NATD1: variants seen among roughly 807,000 people sequenced by gnomAD.
NATD1 encodes the protein protein NATD1.
NATD1 carries 9 observed loss-of-function variants against 12.0 expected under a neutral mutation model. The observed-to-expected ratio is 0.75, with a 90% CI of 0.45 to 1.30. The LOEUF (loss-of-function observed/expected upper bound fraction) is 1.30. NATD1 is among the 50% of genes most tolerant of loss of function. NATD1 has a pLI of 0.00. For synonymous variants in NATD1, 71 were observed against 65.9 expected (o/e 1.08, Z -0.37); for missense variants, 148 against 148.5 (o/e 1.00, Z 0.02).
In NATD1 at chr17:21,243,437, C is replaced by T. The variant is rs1048248417; in HGVS notation, c.226-8G>A. The T allele has an allele frequency of 2.5e-6, 4 of 1,609,084 alleles. No homozygotes were observed. The highest frequency in any genetic ancestry group is 1.3e-5 in the African/African-American group (1 of 74,982). Reference sequence around the variant, plus strand: ...CACGAAGTCCAGGGCGGCCTGGGAGCCGGGCAGAGAGGAGAGTGGTCAGGG... The same window carrying T: ...CACGAAGTCCAGGGCGGCCTGGGAGTCGGGCAGAGAGGAGAGTGGTCAGGG... On this transcript the variant is annotated splice_polypyrimidine_tract_variant and splice_region_variant and intron_variant, in intron 2 of 2. Coordinates refer to ENST00000611551, the MANE Select transcript of NATD1 (RefSeq NM_152914.3).
intron 1 of NATD1, among the ~76,000 whole-genome samples, chr17:21,248,514 C>T (rs1262603557): frequency 6.6e-6 from 1 of 152,196 alleles, no homozygotes; most frequent in African/African-American, 2.4e-5. Context: ...ACCCTTCCTT[C>T]TCATTTCAGG....
At position 21,242,720 on chromosome 17, in the gene NATD1, CG is replaced by C. The variant is rs1975287488; in HGVS notation, c.*592del. On this transcript the variant is annotated 3_prime_UTR_variant, in exon 3 of 3. Transcript: ENST00000611551. ...TGTTCACATGTGTGAACCGCACGTA[CG>C]GTTGAGCCTGGCCAGTGCTCAGTCC... 6.6e-6 allele frequency: 1 copy of C among 152,624 alleles called. No individual in the cohort carries two copies. The highest frequency in any genetic ancestry group is 2.4e-5 in the African/African-American group (1 of 41,458). The allele number at this position is 152,624 out of a possible 1,614,324, so 9.5% of individuals were successfully genotyped here. A position where few individuals can be genotyped will look rare whatever the true frequency, so the allele number is the denominator to read the frequency against.
chr17:21,252,952 C>T (rs978209370), intron 1 of NATD1, among the ~76,000 whole-genome samples: 3 of 151,184 alleles, frequency 2.0e-5, no homozygotes, highest in South Asian at 4.1e-4. Context: ...GCCGCGCCCC[C>T]ACCTGGCCCC....
intron 1 of NATD1, among the ~76,000 whole-genome samples, chr17:21,249,158 T>C (rs931245739): frequency 6.6e-6 from 1 of 151,770 alleles, no homozygotes; most frequent in Non-Finnish European, 1.5e-5. Flanking sequence ...CAGAAGACAT[T>C]GACCTCTGCT....
In NATD1 at chr17:21,244,052, G is replaced by T. The variant is rs962516344; in HGVS notation, c.225+54C>A. ...GGGCCACCGTCTCCTCGGAGCGAAGGTGGCAGCCCCCATGTCCCCGTCCCC... is the reference window on the plus strand; with the variant it reads ...GGGCCACCGTCTCCTCGGAGCGAAGTTGGCAGCCCCCATGTCCCCGTCCCC... On this transcript the variant is annotated intron_variant, in intron 2 of 2. Coordinates refer to ENST00000611551, the MANE Select transcript of NATD1 (RefSeq NM_152914.3). The surrounding 1 kb of genome is among the most constrained non-coding windows in gnomAD (Gnocchi z 5.2). 1 of 1,499,902 alleles carries T rather than the reference G, an allele frequency of 6.7e-7. No homozygotes were observed. The highest frequency in any genetic ancestry group is 1.4e-5 in the African/African-American group (1 of 72,466). The allele number at this position is 1,499,902 out of a possible 1,614,324, so 92.9% of individuals were successfully genotyped here.
In NATD1 at chr17:21,244,187, C is replaced by G. The variant is rs1975305396; in HGVS notation, c.144G>C (p.Val48=). ...GCTGCAGGTCCACGATCCGCTTGCC[C>G]ACGTACTCATAGAGCAGGACGGCCC... ...HDRAVLLYEY[V]GKRIVDLQHT... is the part of the protein sequence containing the mutation. The change falls in exon 2 of 3, where the codon GTG becomes GTC. Residue 48 remains valine, a synonymous_variant. Transcript: ENST00000611551. This position sits in a 1 kb window ranked among gnomAD's most constrained non-coding sequence, Gnocchi z 5.2. The G allele has an allele frequency of 6.8e-6, 11 of 1,613,212 alleles. No homozygotes were observed. The highest frequency in any genetic ancestry group is 9.3e-6 in the Non-Finnish European group (11 of 1,179,836).
chr17:21,250,684 T>C (rs927479679), intron 1 of NATD1, among the ~76,000 whole-genome samples: 1 of 152,152 alleles, frequency 6.6e-6, no homozygotes, highest in Non-Finnish European at 1.5e-5. Context: ...CCCTGTGGTG[T>C]GTGGCTATGA....
chr17:21,249,222 G>C (rs1000868939), intron 1 of NATD1, among the ~76,000 whole-genome samples: 2 of 152,158 alleles, frequency 1.3e-5, no homozygotes, highest in African/African-American at 4.8e-5. Context: ...ATCAAAACGC[G>C]AATATACAGA....
At chr17:21,245,844 G>A (rs1048532224) in intron 1 of NATD1, among the ~76,000 whole-genome samples, 1 of 151,798 alleles carries the variant, frequency 6.6e-6, no homozygotes, top group Admixed American at 6.6e-5. Flanking sequence ...CACCAGCCCT[G>A]CTGCCTCCTC....
chr17:21,252,820 G>A (rs1458440869), intron 1 of NATD1, among the ~76,000 whole-genome samples: 2 of 152,054 alleles, frequency 1.3e-5, no homozygotes, highest in Non-Finnish European at 2.9e-5. Flanking sequence ...CTGCGGCTGA[G>A]ACAGGGGACC....
rs1975270006 is a variant in NATD1, at chr17:21,241,316, TG to T, written c.*1996del. On this transcript the variant is annotated 3_prime_UTR_variant, in exon 3 of 3. Transcript: ENST00000611551. Reference sequence around the variant, plus strand: ...GGCCCCAGCTCACTGAGCTCCTGAGTGGTCATGATTGACTATGTGCTTGAAC... The same window carrying T: ...GGCCCCAGCTCACTGAGCTCCTGAGTGTCATGATTGACTATGTGCTTGAAC... 6.6e-6 allele frequency: 1 copy of T among 152,192 alleles called. No homozygotes were observed. Among genetic ancestry groups the T allele is most frequent in the African/African-American group, 2.4e-5 (1 of 41,376 alleles). 9.4% of individuals were successfully genotyped at this position (152,192 alleles called of 1,614,324 possible). A position where few individuals can be genotyped will look rare whatever the true frequency, so the allele number is the denominator to read the frequency against.
intron 1 of NATD1, among the ~76,000 whole-genome samples, chr17:21,249,595 T>G (rs978109366): frequency 2.6e-5 from 4 of 152,190 alleles, no homozygotes; most frequent in African/African-American, 9.7e-5. Context: ...CTCTGGGGCC[T>G]CAGTCTTCCT....
At position 21,253,193 on chromosome 17, in the gene NATD1, G is replaced by A; in HGVS notation, c.72C>T (p.Asp24=). Residue 24 remains aspartate (D), a synonymous_variant, in exon 1 of 3, where the codon GAC becomes GAT. Coordinates refer to ENST00000611551, the MANE Select transcript of NATD1 (RefSeq NM_152914.3). ...EQGCPIRVEH[D]RRRRQFTVRL... is the part of the protein sequence containing the mutation. ...GGACAGTGAACTGGCGGCGCCGGCG[G>A]TCGTGCTCCACGCGGATGGGGCAGC... 2.0e-6 allele frequency: 2 copies of A among 1,016,698 alleles called. No individual in the cohort carries two copies. The highest frequency in any genetic ancestry group is 9.0e-5 in the East Asian group (1 of 11,144). The allele number at this position is 1,016,698 out of a possible 1,614,324, so 63.0% of individuals were successfully genotyped here.
Position 21,243,328 on chromosome 17 carries a change from CTCCAGGTACTGCGGCAGGGGG to C in NATD1, c.306_326del (p.Asn102_Glu109delinsLys). 1 of 1,612,610 alleles carries C rather than the reference CTCCAGGTACTGCGGCAGGGGG, an allele frequency of 6.2e-7. No individual in the cohort carries two copies. The highest frequency in any genetic ancestry group is 8.5e-7 in the Non-Finnish European group (1 of 1,179,912). The stretch of plus-strand genomic sequence containing the variant: ...CAGGCCAGGGTTACGGCTGCAGGCG[CTCCAGGTACTGCGGCAGGGGG>C]TTCTCCTTGACGTACTTCTGGATGT... On this transcript the variant is annotated inframe_deletion, in exon 3 of 3. Transcript: ENST00000611551.
rs1316179154 is a variant in NATD1 at position 21,242,249 on chromosome 17, T to A, written c.*1064A>T. On this transcript the variant is annotated 3_prime_UTR_variant, in exon 3 of 3. Transcript: ENST00000611551. ...TCCCACCAAAGCATGCTAGTGTGTC[T>A]CCCAGGCTGCACCCAGGAAGGCTGG... 6.6e-6 allele frequency: 1 copy of A among 152,206 alleles called. No homozygotes were observed. The highest frequency in any genetic ancestry group is 2.4e-5 in the African/African-American group (1 of 41,394). 9.4% of individuals were successfully genotyped at this position (152,206 alleles called of 1,614,324 possible).
Position 21,242,454 on chromosome 17 carries a change from G to C in NATD1, c.*859C>G, listed in dbSNP as rs1022108892. On this transcript the variant is annotated 3_prime_UTR_variant, in exon 3 of 3. Coordinates refer to ENST00000611551, the MANE Select transcript of NATD1 (RefSeq NM_152914.3). ...GCTTCACTCCCACCCCAGCCCCAAGGCATCTCCTCGGAGAAGGCTCAGGCA... is the reference window on the plus strand; with the variant it reads ...GCTTCACTCCCACCCCAGCCCCAAGCCATCTCCTCGGAGAAGGCTCAGGCA... 2 of 152,290 alleles carry C rather than the reference G, an allele frequency of 1.3e-5. No homozygotes were observed. The highest frequency in any genetic ancestry group is 4.8e-5 in the African/African-American group (2 of 41,456). 9.4% of individuals were successfully genotyped at this position (152,290 alleles called of 1,614,324 possible). A position where few individuals can be genotyped will look rare whatever the true frequency, so the allele number is the denominator to read the frequency against.
At chr17:21,250,560 T>G (rs1291849253) in intron 1 of NATD1, among the ~76,000 whole-genome samples, 1 of 152,094 alleles carries the variant, frequency 6.6e-6, no homozygotes, top group African/African-American at 2.4e-5. Flanking sequence ...AACAAATACT[T>G]GCGGGGTGAA....
chr17:21,243,531 C>T lies in NATD1; in HGVS notation c.226-102G>A, dbSNP rs1975298163. The T allele has an allele frequency of 3.5e-6, 3 of 847,178 alleles. No individual in the cohort carries two copies. In the South Asian group the frequency reaches 4.6e-5, roughly 13 times the overall value. 52.5% of individuals were successfully genotyped at this position (847,178 alleles called of 1,614,324 possible). On this transcript the variant is annotated intron_variant, in intron 2 of 2. Coordinates refer to ENST00000611551, the MANE Select transcript of NATD1 (RefSeq NM_152914.3). ...AGGCCCGGCTCCCTGGCCACCCTTC[C>T]ACTTTGCCCAGGTCAGTAACTCCCT...
intron 1 of NATD1, among the ~76,000 whole-genome samples, chr17:21,249,307 C>G (rs1403658555): frequency 6.6e-6 from 1 of 152,202 alleles, no homozygotes; most frequent in Non-Finnish European, 1.5e-5. Flanking sequence ...AGCAGACACC[C>G]TGGCCGGCTT....
Sources: allele counts gnomAD v4.1 joint callset (sites outside exome capture counted in the v4.1 genomes callset), GRCh38; gene constraint gnomAD v4.1.1; non-coding constraint Gnocchi (gnomAD v3.1); transcripts MANE v1.5; gene names NCBI Gene and HGNC (gene_info 2026-07-23, HGNC 2026-07-21).